Variants in LHFPL3 observed in about 807,000 individuals in gnomAD.
LHFPL3 encodes the protein LHFPL tetraspan subfamily member 3 protein.
In LHFPL3, 5 loss-of-function variants were observed where a neutral mutation model predicts 19.3. That is an observed-to-expected ratio of 0.26 (90% CI 0.14 to 0.54). LHFPL3 has a LOEUF of 0.54. Ranked by LOEUF, LHFPL3 falls within the 20% of genes least tolerant of loss-of-function variation. LHFPL3 has a pLI of 0.94. For synonymous variants in LHFPL3, 133 were observed against 126.2 expected (o/e 1.05, Z -0.36); for missense variants, 249 against 307.4 (o/e 0.81, Z 1.42).
At position 104,370,218 on chromosome 7, in the gene LHFPL3, G is replaced by A. The variant is rs570585913; in HGVS notation, c.445+40994G>A. 7.9e-5 allele frequency among the ~76,000 whole-genome samples: 12 copies of A among 152,306 alleles called. No homozygotes were observed. In the East Asian group the frequency reaches 2.3e-3, roughly 29 times the overall value. On this transcript the variant is annotated intron_variant, in intron 1 of 2. Coordinates refer to ENST00000424859, the MANE Select transcript of LHFPL3 (RefSeq NM_199000.3). Reference sequence around the variant, plus strand: ...TGAGGAGAGGCTGCTGCCAGCTGGTGCTGGTGTCTCTGAGGAGGTGCAAAG... The same window carrying A: ...TGAGGAGAGGCTGCTGCCAGCTGGTACTGGTGTCTCTGAGGAGGTGCAAAG...
chr7:104,446,913 T>C (rs1256694836), intron 1 of LHFPL3, among the ~76,000 whole-genome samples: 2 of 152,330 alleles, frequency 1.3e-5, no homozygotes, highest in East Asian at 1.9e-4. Context: ...AAAAACATTT[T>C]GTTTTTTAGA....
At chr7:104,663,430 G>C (rs560656856) in intron 1 of LHFPL3, among the ~76,000 whole-genome samples, 1 of 152,200 alleles carries the variant, frequency 6.6e-6, no homozygotes, top group Non-Finnish European at 1.5e-5. Flanking sequence ...ATCATGCAGC[G>C]ATTCTGGCTG....
intron 2 of LHFPL3, among the ~76,000 whole-genome samples, chr7:104,864,338 A>G (rs1370876731): frequency 6.7e-6 from 1 of 150,216 alleles, no homozygotes; most frequent in Non-Finnish European, 1.5e-5. Flanking sequence ...AGGAAGTGCA[A>G]GGGGTCAGGG....
chr7:104,720,705 AC>A (rs1343631944), intron 1 of LHFPL3, among the ~76,000 whole-genome samples: 4 of 152,058 alleles, frequency 2.6e-5, no homozygotes, highest in Non-Finnish European at 5.9e-5. Flanking sequence ...GAAAAAAAAC[AC>A]CCCATCAAAA....
chr7:104,624,146 A>G (rs1371727811), intron 1 of LHFPL3, among the ~76,000 whole-genome samples: 2 of 152,222 alleles, frequency 1.3e-5, no homozygotes, highest in African/African-American at 4.8e-5. Context: ...TTCAGGAAGT[A>G]GTGACCTCTC....
At chr7:104,614,586 T>A (rs6466005) in intron 1 of LHFPL3, among the ~76,000 whole-genome samples, 42,162 of 59,508 alleles carry the variant, frequency 0.71, 17,425 homozygotes, top group Non-Finnish European at 0.79. Context: ...CCTCTTCTCT[T>A]CTCTCTCTTC....
At chr7:104,617,350 C>G (rs1251356057) in intron 1 of LHFPL3, among the ~76,000 whole-genome samples, 1 of 152,026 alleles carries the variant, frequency 6.6e-6, no homozygotes, top group African/African-American at 2.4e-5. Context: ...AATTGTAACA[C>G]AAGATAAAGT....
intron 1 of LHFPL3, among the ~76,000 whole-genome samples, chr7:104,498,496 G>GTTTT (rs35269120): frequency 7.4e-6 from 1 of 134,822 alleles, no homozygotes; most frequent in South Asian, 2.5e-4. Flanking sequence ...TGGAAGCAAT[G>GTTTT]TTTTTTTTTT....
chr7:104,506,500 G>T (rs190694579), intron 1 of LHFPL3, among the ~76,000 whole-genome samples: 1 of 152,274 alleles, frequency 6.6e-6, no homozygotes, highest in Admixed American at 6.5e-5. Flanking sequence ...GTCAAGTCCT[G>T]AGGCTGTGTT....
At chr7:104,395,564 A>C (rs919479567) in intron 1 of LHFPL3, among the ~76,000 whole-genome samples, 2 of 152,178 alleles carry the variant, frequency 1.3e-5, no homozygotes, top group Admixed American at 6.5e-5. Context: ...TTTGGTTATC[A>C]GAAGGACCCA....
At chr7:104,408,196 C>T (rs1791457151) in intron 1 of LHFPL3, among the ~76,000 whole-genome samples, 1 of 152,180 alleles carries the variant, frequency 6.6e-6, no homozygotes, top group Non-Finnish European at 1.5e-5. Flanking sequence ...TATTTGGGAT[C>T]TTTGACTCTT....
chr7:104,405,266 T>G (rs1791392363), intron 1 of LHFPL3, among the ~76,000 whole-genome samples: 1 of 152,204 alleles, frequency 6.6e-6, no homozygotes, highest in Non-Finnish European at 1.5e-5. Context: ...TTTGTGATAC[T>G]GTTTTTCCTA....
At chr7:104,772,907 G>A (rs73713436) in intron 2 of LHFPL3, among the ~76,000 whole-genome samples, 44,128 of 152,188 alleles carry the variant, frequency 0.29, 6,729 homozygotes, top group South Asian at 0.38. Context: ...TACCTTATTC[G>A]GAGTGCTGTT....
At chr7:104,805,253 C>A (rs990556794) in intron 2 of LHFPL3, among the ~76,000 whole-genome samples, 2 of 152,178 alleles carry the variant, frequency 1.3e-5, no homozygotes, top group Non-Finnish European at 2.9e-5. Flanking sequence ...ATATCTGGGG[C>A]CCTTCTTAGC....
chr7:104,837,740 C>G (rs1449566687), intron 2 of LHFPL3, among the ~76,000 whole-genome samples: 4 of 152,106 alleles, frequency 2.6e-5, no homozygotes, highest in Non-Finnish European at 5.9e-5. Flanking sequence ...GTATACACTG[C>G]ACCCTATAGA....
chr7:104,574,040 C>A (rs6969323), intron 1 of LHFPL3, among the ~76,000 whole-genome samples: 40,176 of 152,012 alleles, frequency 0.26, 5,653 homozygotes, highest in African/African-American at 0.36. Context: ...CTGCTAAATC[C>A]GATCTCTTGA....
At chr7:104,868,415 A>G (rs915304584) in intron 2 of LHFPL3, among the ~76,000 whole-genome samples, 7 of 152,222 alleles carry the variant, frequency 4.6e-5, no homozygotes, top group Non-Finnish European at 1.0e-4. Flanking sequence ...AAAAATCACA[A>G]GCATTCTTAT....
intron 2 of LHFPL3, among the ~76,000 whole-genome samples, chr7:104,835,464 C>T (rs1429423323): frequency 6.6e-6 from 1 of 151,532 alleles, no homozygotes; most frequent in Non-Finnish European, 1.5e-5. Context: ...GTGGCAGTCA[C>T]TCCTTCATCT....
intron 1 of LHFPL3, among the ~76,000 whole-genome samples, chr7:104,365,787 C>CAAAAAAAAAAA (rs571171040): frequency 1.2e-4 from 6 of 49,956 alleles, no homozygotes; most frequent in East Asian, 6.5e-4. Flanking sequence ...GACTCCGTCT[C>CAAAAAAAAAAA]AAAAAAAAAA....
Sources: gnomAD v4.1 joint callset for allele counts (sites outside exome capture counted in the v4.1 genomes callset) on GRCh38, gnomAD v4.1.1 for gene constraint, MANE v1.5 for transcripts, NCBI Gene and HGNC (gene_info 2026-07-23, HGNC 2026-07-21) for gene names.